The following KCNT1 variants were observed in gnomAD, a reference collection of about 807,000 sequenced individuals.
KCNT1 encodes potassium sodium-activated channel subfamily T member 1.
In KCNT1, 78 loss-of-function variants were observed where a neutral mutation model predicts 147.8. That is an observed-to-expected ratio of 0.53 (90% CI 0.44 to 0.64). KCNT1 has a LOEUF of 0.64. KCNT1 is among the 30% of genes least tolerant of loss of function. The pLI is 0.00. For synonymous variants in KCNT1, 867 were observed against 748.8 expected (o/e 1.16, Z -2.58); for missense variants, 1,419 against 1,750.3 (o/e 0.81, Z 3.38).
At chr9:135,781,880 C>T (rs1302573311) in intron 24 of KCNT1, among the ~76,000 whole-genome samples, 1 of 152,136 alleles carries the variant, frequency 6.6e-6, no homozygotes. Context: ...GCCAGAAGTT[C>T]GAGACCAGCC....
At chr9:135,703,848 C>T (rs148113644) in intron 1 of KCNT1, among the ~76,000 whole-genome samples, 2 of 152,328 alleles carry the variant, frequency 1.3e-5, no homozygotes, top group African/African-American at 2.4e-5. Flanking sequence ...AGACACCTGT[C>T]TCTCCCAATT....
chr9:135,705,538 C>T (rs2131311093), intron 1 of KCNT1, among the ~76,000 whole-genome samples: 1 of 152,338 alleles, frequency 6.6e-6, no homozygotes, highest in Admixed American at 6.5e-5. Context: ...AGTCACCGGT[C>T]ATGAGTCTGG....
Position 135,760,208 on chromosome 9 carries a change from T to TGCA in KCNT1, c.1035+358_1035+360dup, listed in dbSNP as rs761958639. On this transcript the variant is annotated intron_variant, in intron 11 of 30. Coordinates refer to ENST00000371757, the MANE Select transcript of KCNT1 (RefSeq NM_020822.3). ...GGCCCATTTCCCATCCACAGCCAGG[T>TGCA]GCAGCAGCAGCTGCCAGGCCCACAG... Among the ~76,000 whole-genome samples, 6 of 152,200 alleles carry TGCA rather than the reference T, an allele frequency of 3.9e-5. No homozygotes were observed. In the East Asian group the frequency reaches 7.8e-4, roughly 20 times the overall value.
At chr9:135,760,727 A>AC (rs887296898) in intron 11 of KCNT1, among the ~76,000 whole-genome samples, 3 of 152,194 alleles carry the variant, frequency 2.0e-5, no homozygotes, top group African/African-American at 7.2e-5. Flanking sequence ...AAGCTGTGGC[A>AC]CCAGCTGTAC....
chr9:135,779,412 G>A lies in KCNT1; in HGVS notation c.2783G>A (p.Arg928His), dbSNP rs1320766215. Residue 928 changes from arginine to histidine, a missense_variant, in exon 24 of 31, where the codon CGC becomes CAC. Physicochemically the swap from Arg to His is conservative, Grantham distance 29 (BLOSUM62 0). Transcript: ENST00000371757. ...TTELTHPSNM[R>H]FMQFRAKDSY... ...GAGCTCACCCACCCTTCCAACATGC[G>A]CTTCATGCAGTTCCGCGCCAAGGAC... 1 of 1,613,766 alleles carries A rather than the reference G, an allele frequency of 6.2e-7. No homozygotes were observed. The highest frequency in any genetic ancestry group is 1.3e-5 in the African/African-American group (1 of 74,886).
chr9:135,707,143 A>G (rs1015434874), intron 1 of KCNT1, among the ~76,000 whole-genome samples: 1 of 152,054 alleles, frequency 6.6e-6, no homozygotes, highest in Non-Finnish European at 1.5e-5. Flanking sequence ...AAAATTAAAA[A>G]TTAAGATCAG....
Position 135,786,382 on chromosome 9 carries a change from C to T in KCNT1, c.3363C>T (p.Pro1121=). 1 of 1,577,566 alleles carries T rather than the reference C, an allele frequency of 6.3e-7. No homozygotes were observed. Among genetic ancestry groups the T allele is most frequent in the Non-Finnish European group, 8.6e-7 (1 of 1,162,704 alleles). ...CCCGGAGGCTGAGCCGCAAGGCGCC[C>T]AAGCAGGCAGGCCGGGCGGCGGCCG... ...QWARRLSRKA[P]KQAGRAAAAE... is the part of the protein sequence containing the mutation. Residue 1121 remains proline (P), a synonymous_variant, in exon 29 of 31, where the codon CCC becomes CCT. Transcript: ENST00000371757.
chr9:135,777,379 G>T lies in KCNT1; in HGVS notation c.2391G>T (p.Gly797=). The change falls in exon 21 of 31, where the codon GGG becomes GGT. Residue 797 remains glycine (G), a synonymous_variant. Transcript: ENST00000371757. ...HNSYEDAKAY[G]FKNKLIIVSA... ...GCTATGAAGACGCCAAGGCCTACGG[G>T]TTCAAGAACAAGCTGATCATCGTCT... 3.7e-6 allele frequency: 6 copies of T among 1,614,084 alleles called. No individual in the cohort carries two copies. Among genetic ancestry groups the T allele is most frequent in the Non-Finnish European group, 5.1e-6 (6 of 1,179,970 alleles).
intron 2 of KCNT1, among the ~76,000 whole-genome samples, chr9:135,726,552 C>T (rs538683843): frequency 2.0e-5 from 3 of 152,142 alleles, no homozygotes; most frequent in Non-Finnish European, 4.4e-5. Context: ...CCAGGTAAGC[C>T]AAGTTCTGCT....
At chr9:135,711,160 A>G (rs1835469995) in intron 1 of KCNT1, among the ~76,000 whole-genome samples, 1 of 152,192 alleles carries the variant, frequency 6.6e-6, no homozygotes, top group Non-Finnish European at 1.5e-5. Flanking sequence ...GCAGCAGTGC[A>G]CAGATGAGGC....
At chr9:135,741,067 G>T (rs1043900013) in intron 2 of KCNT1, among the ~76,000 whole-genome samples, 1 of 152,184 alleles carries the variant, frequency 6.6e-6, no homozygotes, top group African/African-American at 2.4e-5. Flanking sequence ...GGAGTCCCTG[G>T]GTGGATCCTC....
chr9:135,714,475 GC>G lies in KCNT1; in HGVS notation c.111-100del. 1 of 822,630 alleles carries G rather than the reference GC, an allele frequency of 1.2e-6. No homozygotes were observed. The highest frequency in any genetic ancestry group is 1.5e-6 in the Non-Finnish European group (1 of 684,682). The allele number at this position is 822,630 out of a possible 1,614,324, so 51.0% of individuals were successfully genotyped here. On this transcript the variant is annotated intron_variant, in intron 1 of 30. Transcript: ENST00000371757. This position sits in a 1 kb window ranked among gnomAD's most constrained non-coding sequence, Gnocchi z 6.2. ...CCCGCCCGCCCGGTGGGTCGCGGTG[GC>G]CGCGGGCTGCGCTGCGCGGGCCGGG... is the stretch of plus-strand genomic sequence containing the variant.
At chr9:135,791,981 G>C in intron 30 of KCNT1, 60 bp from the exon 31 acceptor site, 1 of 1,605,608 alleles carries the variant, frequency 6.2e-7, no homozygotes, top group Non-Finnish European at 8.5e-7. Context: ...GCTCAGCAGA[G>C]GGCTGAGCAG....
rs1223765042 is a variant in KCNT1 at position 135,752,913 on chromosome 9, T to C, written c.435-1024T>C. 6.9e-6 allele frequency among the ~76,000 whole-genome samples: 1 copy of C among 144,190 alleles called. No individual in the cohort carries two copies. The highest frequency in any genetic ancestry group is 2.6e-5 in the African/African-American group (1 of 37,874). The allele number at this position is 144,190 out of a possible 152,430, so 94.6% of individuals were successfully genotyped here. On this transcript the variant is annotated intron_variant, in intron 4 of 30. Coordinates refer to ENST00000371757, the MANE Select transcript of KCNT1 (RefSeq NM_020822.3). This position sits in a 1 kb window ranked among gnomAD's most constrained non-coding sequence, Gnocchi z 5.1. ...GCAGAAGGATGGAGGGATGAGTGGATGGATGATGGATGGATGGATGGACAG... is the reference window on the plus strand; with the variant it reads ...GCAGAAGGATGGAGGGATGAGTGGACGGATGATGGATGGATGGATGGACAG...
chr9:135,716,930 A>G (rs1659489279), intron 2 of KCNT1, among the ~76,000 whole-genome samples: 1 of 152,220 alleles, frequency 6.6e-6, no homozygotes, highest in African/African-American at 2.4e-5. Flanking sequence ...GCTGTCCCTC[A>G]AGATGGCCTC....
At chr9:135,784,204 T>C in intron 25 of KCNT1, 79 bp downstream of exon 25, 1 of 1,116,200 alleles carries the variant, frequency 9.0e-7, no homozygotes, top group Non-Finnish European at 1.3e-6. Flanking sequence ...GCCTGGTCCC[T>C]GTTCTGAATG....
At chr9:135,766,055 CAGGGTGGACCATCT>C (rs1438927743) in intron 13 of KCNT1, among the ~76,000 whole-genome samples, 1 of 144,012 alleles carries the variant, frequency 6.9e-6, no homozygotes, top group Non-Finnish European at 1.5e-5. Context: ...GTGGACCATC[CAGGGTGGACCATCT>C]GGGGTGGACC....
chr9:135,783,601 C>T (rs566971071), intron 24 of KCNT1, among the ~76,000 whole-genome samples: 1 of 152,356 alleles, frequency 6.6e-6, no homozygotes, highest in Admixed American at 6.5e-5. Flanking sequence ...AGCAGGGAGC[C>T]CGATGCTTGC....
rs1426387948 is a variant in KCNT1 at position 135,753,921 on chromosome 9, CTG to C, written c.435-12_435-11del. The C allele has an allele frequency of 3.1e-6, 5 of 1,614,020 alleles. No individual in the cohort carries two copies. Among genetic ancestry groups the C allele is most frequent in the Non-Finnish European group, 4.2e-6 (5 of 1,179,950 alleles). On this transcript the variant is annotated splice_polypyrimidine_tract_variant and intron_variant, in intron 4 of 30. Transcript: ENST00000371757. ...TAGAGGGGCCAGGGCCGGGCCAGCG[CTG>C]TGTCTCTCCACAGCTGGGGCTGCCC...
Sources: allele counts gnomAD v4.1 joint callset (sites outside exome capture counted in the v4.1 genomes callset), GRCh38; gene constraint gnomAD v4.1.1; non-coding constraint Gnocchi (gnomAD v3.1); transcripts MANE v1.5; gene names NCBI Gene and HGNC (gene_info 2026-07-23, HGNC 2026-07-21).